PDS5B: variants seen among roughly 807,000 people sequenced by gnomAD.
PDS5B encodes the protein sister chromatid cohesion protein PDS5 homolog B.
A neutral mutation model predicts 184.1 loss-of-function variants in PDS5B; 51 were observed. The ratio of observed to expected loss-of-function variants is 0.28; its 90% confidence interval spans 0.22 to 0.35. The LOEUF (loss-of-function observed/expected upper bound fraction) is 0.35, where lower values mean the gene tolerates loss of function less well. Ranked by LOEUF, PDS5B falls within the 10% of genes least tolerant of loss-of-function variation. The pLI is 1.00. For missense variants in PDS5B, 1,180 were observed against 1,723.3 expected (o/e 0.68, Z 5.58); for synonymous variants, 566 against 569.2 (o/e 0.99, Z 0.08).
At chr13:32,675,815 T>C (rs752525168) in intron 8 of PDS5B, 29 bp from the exon 9 acceptor site, 1 of 1,370,368 alleles carries the variant, frequency 7.3e-7, no homozygotes, top group Non-Finnish European at 1.0e-6. Flanking sequence ...ACTGCATGGT[T>C]TTAAAGCTGT....
In PDS5B at chr13:32,706,925, A is replaced by G. The variant is rs370707225; in HGVS notation, c.1857-9A>G. The G allele has an allele frequency of 4.5e-6, 7 of 1,572,342 alleles. No individual in the cohort carries two copies. Among genetic ancestry groups the G allele is most frequent in the Non-Finnish European group, 6.1e-6 (7 of 1,152,866 alleles). ...ATTTGAAAAAATGACTTTTTTGGTC[A>G]TATTTTAGTGCTCTTATTAAACAAG... On this transcript the variant is annotated splice_polypyrimidine_tract_variant and intron_variant, in intron 17 of 34. Transcript: ENST00000315596.
chr13:32,694,396 T>C (rs1425088096), intron 14 of PDS5B, 92 bp downstream of exon 14: 1 of 825,454 alleles, frequency 1.2e-6, no homozygotes, highest in African/African-American at 1.8e-5. Flanking sequence ...CAATTCTTTC[T>C]GTTTGCAAAA....
chr13:32,635,717 CT>C (rs34972880), intron 1 of PDS5B, among the ~76,000 whole-genome samples: 11,132 of 150,190 alleles, frequency 0.074, 579 homozygotes, highest in Non-Finnish European at 0.12. Context: ...TCTGGTTGGG[CT>C]AACGTTTTTG....
chr13:32,676,476 T>C (rs1278681956), intron 9 of PDS5B, among the ~76,000 whole-genome samples: 1 of 152,112 alleles, frequency 6.6e-6, no homozygotes, highest in Non-Finnish European at 1.5e-5. Context: ...GAATTTTGAG[T>C]GTGTTTGTGT....
intron 1 of PDS5B, among the ~76,000 whole-genome samples, chr13:32,621,654 T>C (rs961070531): frequency 6.9e-6 from 1 of 145,526 alleles, no homozygotes; most frequent in Non-Finnish European, 1.5e-5. Flanking sequence ...TCTTCTTGAA[T>C]AATTTTTTGT....
At chr13:32,699,902 G>A in intron 16 of PDS5B, 33 bp downstream of exon 16, 1 of 1,513,096 alleles carries the variant, frequency 6.6e-7, no homozygotes, top group Non-Finnish European at 8.8e-7. Flanking sequence ...GTTTGAAAAA[G>A]CCCCCAAATC....
chr13:32,627,437 T>A (rs1199998553), intron 1 of PDS5B, among the ~76,000 whole-genome samples: 1 of 152,226 alleles, frequency 6.6e-6, no homozygotes, highest in Non-Finnish European at 1.5e-5. Flanking sequence ...TATTTCTGAA[T>A]GGTACTTTAA....
chr13:32,627,150 C>T (rs2140557860), intron 1 of PDS5B, among the ~76,000 whole-genome samples: 1 of 152,310 alleles, frequency 6.6e-6, no homozygotes, highest in East Asian at 1.9e-4. Context: ...TCTGACAGAT[C>T]TTGAGAATAG....
Position 32,764,613 on chromosome 13 carries a change from T to C in PDS5B, c.3624+19T>C. 7.5e-7 allele frequency: 1 copy of C among 1,331,380 alleles called. No homozygotes were observed. The highest frequency in any genetic ancestry group is 1.1e-6 in the Non-Finnish European group (1 of 950,988). The allele number at this position is 1,331,380 out of a possible 1,614,324, so 82.5% of individuals were successfully genotyped here. A position where few individuals can be genotyped will look rare whatever the true frequency, so the allele number is the denominator to read the frequency against. ...TGTAAGGGTGAGATATTTGCATTGATTTTATAATAATATTAATGATAATTT... is the reference window on the plus strand; with the variant it reads ...TGTAAGGGTGAGATATTTGCATTGACTTTATAATAATATTAATGATAATTT... On this transcript the variant is annotated intron_variant, in intron 31 of 34. Transcript: ENST00000315596.
intron 30 of PDS5B, 92 bp downstream of exon 30, chr13:32,760,812 G>A: frequency 8.2e-7 from 1 of 1,221,826 alleles, no homozygotes; most frequent in Admixed American, 2.5e-5. Flanking sequence ...TTTCATGTCA[G>A]TAAATGGAAA....
rs1950898908 is a variant in PDS5B at position 32,670,181 on chromosome 13, T to G, written c.705+2337T>G. Among the ~76,000 whole-genome samples the G allele has an allele frequency of 2.0e-5, 3 of 152,100 alleles. No homozygotes were observed. In the South Asian group the frequency reaches 6.2e-4, roughly 32 times the overall value. On this transcript the variant is annotated intron_variant, in intron 7 of 34. Transcript: ENST00000315596. ...TTCTTACATATCAAGACTTAAGAAA[T>G]CACTGTGGTGGTATAGGTTATTTAT...
intron 1 of PDS5B, among the ~76,000 whole-genome samples, chr13:32,610,970 A>T (rs7990985): frequency 1.8e-4 from 28 of 151,748 alleles, no homozygotes; most frequent in East Asian, 1.4e-3. Flanking sequence ...GGCTGAAATT[A>T]TCACTTTCCT....
intron 19 of PDS5B, among the ~76,000 whole-genome samples, chr13:32,715,170 C>A (rs960467567): frequency 6.6e-6 from 1 of 152,214 alleles, no homozygotes; most frequent in Non-Finnish European, 1.5e-5. Flanking sequence ...TTTCAAACCA[C>A]ACACAATTTC....
chr13:32,624,354 A>G (rs1033070413), intron 1 of PDS5B, among the ~76,000 whole-genome samples: 2 of 151,852 alleles, frequency 1.3e-5, no homozygotes, highest in African/African-American at 4.8e-5. Context: ...TTGGCCCTGC[A>G]TTTTGGGTAG....
rs747770023 is a variant in PDS5B at position 32,676,855 on chromosome 13, C to T, written c.962+896C>T. On this transcript the variant is annotated intron_variant, in intron 9 of 34. Coordinates refer to ENST00000315596, the MANE Select transcript of PDS5B (RefSeq NM_015032.4). Reference sequence around the variant, plus strand: ...CTGAGGCAGGAGGATGGCCTGAACCCGGGAGGTGGAGCTTGCAGTGAGCTG... The same window carrying T: ...CTGAGGCAGGAGGATGGCCTGAACCTGGGAGGTGGAGCTTGCAGTGAGCTG... Among the ~76,000 whole-genome samples, 10 of 145,924 alleles carry T rather than the reference C, an allele frequency of 6.9e-5. No individual in the cohort carries two copies. In the South Asian group the frequency reaches 8.8e-4, roughly 13 times the overall value.
intron 13 of PDS5B, chr13:32,691,197 A>G (rs1566333251): frequency 1.3e-5 from 2 of 151,940 alleles, no homozygotes; most frequent in African/African-American, 4.8e-5. Context: ...ATGTATGTGT[A>G]TATATGTGTA....
chr13:32,604,797 CT>C (rs2058034795), intron 1 of PDS5B, among the ~76,000 whole-genome samples: 1 of 152,146 alleles, frequency 6.6e-6, no homozygotes, highest in South Asian at 2.1e-4. Flanking sequence ...CTGGTTTAGT[CT>C]TGGGAGGGTG....
chr13:32,772,498 A>G (rs916595452), intron 33 of PDS5B, among the ~76,000 whole-genome samples: 1 of 152,192 alleles, frequency 6.6e-6, no homozygotes, highest in Admixed American at 6.6e-5. Flanking sequence ...CATGAACACT[A>G]TATTTGAAGT....
chr13:32,758,499 TA>T (rs1954264486), intron 27 of PDS5B, 34 bp from the exon 28 acceptor site: 4 of 1,590,224 alleles, frequency 2.5e-6, no homozygotes, highest in Non-Finnish European at 3.4e-6. Context: ...ATTGCCAGCT[TA>T]AGTATCTGTG....
Sources: gnomAD v4.1 joint callset for allele counts (sites outside exome capture counted in the v4.1 genomes callset) on GRCh38, gnomAD v4.1.1 for gene constraint, MANE v1.5 for transcripts, NCBI Gene and HGNC (gene_info 2026-07-23, HGNC 2026-07-21) for gene names.